Variants in TACC2 observed in about 807,000 individuals in gnomAD.
TACC2 encodes the protein transforming acidic coiled-coil-containing protein 2.
TACC2 carries 137 observed loss-of-function variants against 227.3 expected under a neutral mutation model. That is an observed-to-expected ratio of 0.60 (90% CI 0.52 to 0.69). The LOEUF is 0.69. TACC2 is among the 30% of genes least tolerant of loss of function. TACC2 has a pLI of 0.00. For synonymous variants in TACC2, 1,523 were observed against 1,487.5 expected, an observed-to-expected ratio of 1.02 and a Z score of -0.55; for missense variants, 3,470 against 3,694.4, an observed-to-expected ratio of 0.94 and a Z score of 1.57.
chr10:122,086,350 T>C lies in TACC2; in HGVS notation c.3850T>C (p.Leu1284=), dbSNP rs201269542. The C allele has an allele frequency of 2.8e-5, 45 of 1,613,612 alleles. 1 individual carries two copies. In the Admixed American group the frequency reaches 3.0e-4, roughly 11 times the overall value. ...ACTTGCCTTGGAAAATGCTGCCTCC[T>C]TGAAGCTGTTTGCTGGCTCCCTCGC... ...PPLALENAAS[L]KLFAGSLAPL... is the part of the protein sequence containing the mutation. Residue 1284 remains leucine (L), a synonymous_variant, in exon 4 of 23, where the codon TTG becomes CTG. Transcript: ENST00000369005.
At chr10:122,188,418 T>G (rs1017755565) in intron 7 of TACC2, among the ~76,000 whole-genome samples, 1 of 152,172 alleles carries the variant, frequency 6.6e-6, no homozygotes, top group African/African-American at 2.4e-5. Context: ...TAGCTGGGAC[T>G]ACAGGCATGC....
chr10:122,180,266 C>G lies in TACC2; in HGVS notation c.5835-14774C>G, dbSNP rs2093924221. 6.6e-6 allele frequency among the ~76,000 whole-genome samples: 1 copy of G among 152,012 alleles called. No homozygotes were observed. Among genetic ancestry groups the G allele is most frequent in the Non-Finnish European group, 1.5e-5 (1 of 68,012 alleles). On this transcript the variant is annotated intron_variant, in intron 7 of 22. Coordinates refer to ENST00000369005, the MANE Select transcript of TACC2 (RefSeq NM_206862.4). The surrounding 1 kb of genome is among the most constrained non-coding windows in gnomAD (Gnocchi z 4.5). ...GAAGCCCATTCCTTGAACCTGCCACCCTCCTTCCCCCTCCCACCTCAGGGC... is the reference window on the plus strand; with the variant it reads ...GAAGCCCATTCCTTGAACCTGCCACGCTCCTTCCCCCTCCCACCTCAGGGC...
At chr10:122,149,054 C>T (rs952800517) in intron 7 of TACC2, among the ~76,000 whole-genome samples, 25 of 152,180 alleles carry the variant, frequency 1.6e-4, no homozygotes, top group African/African-American at 6.0e-4. Context: ...GAGAGCTGTA[C>T]GAGGCTGAAG....
chr10:122,073,057 G>A (rs1026522702), intron 3 of TACC2, among the ~76,000 whole-genome samples: 3 of 135,462 alleles, frequency 2.2e-5, no homozygotes, highest in African/African-American at 8.4e-5. Flanking sequence ...AGCTTGCAGT[G>A]AGCCAAGATC....
At chr10:122,157,810 G>A (rs908810241) in intron 7 of TACC2, among the ~76,000 whole-genome samples, 8 of 151,776 alleles carry the variant, frequency 5.3e-5, no homozygotes, top group Non-Finnish European at 1.0e-4. Context: ...TCTCAAAAGA[G>A]CTGAAATATC....
rs772894859 is a variant in TACC2 at position 122,249,161 on chromosome 10, C to T, written c.8660+5C>T. On this transcript the variant is annotated splice_donor_5th_base_variant and intron_variant, in intron 21 of 22. Coordinates refer to ENST00000369005, the MANE Select transcript of TACC2 (RefSeq NM_206862.4). ...CGCGGAGGAGAAACTGGACAGGTAA[C>T]ATTTAGCCACTGGGGGTGGCTCCCA... 8.1e-6 allele frequency: 13 copies of T among 1,603,636 alleles called. No homozygotes were observed. The South Asian group carries it at 1.4e-4, about 17-fold the overall frequency.
At chr10:122,058,802 G>A (rs1442442811) in intron 3 of TACC2, among the ~76,000 whole-genome samples, 1 of 151,760 alleles carries the variant, frequency 6.6e-6, no homozygotes, top group Non-Finnish European at 1.5e-5. Flanking sequence ...TCTGGATCAA[G>A]AACCCAAAAG....
At chr10:122,220,879 G>A (rs1231462979) in intron 11 of TACC2, among the ~76,000 whole-genome samples, 2 of 152,140 alleles carry the variant, frequency 1.3e-5, no homozygotes, top group South Asian at 4.1e-4. Flanking sequence ...GGATACAGAG[G>A]CTTGGAGCTG....
At chr10:122,122,657 G>A (rs370801843) in intron 5 of TACC2, among the ~76,000 whole-genome samples, 85 of 152,140 alleles carry the variant, frequency 5.6e-4, no homozygotes, top group Middle Eastern at 3.4e-3. Context: ...GCTTGAGTCA[G>A]GCCCAGAGCA....
At chr10:122,077,654 G>A (rs1456276799) in intron 3 of TACC2, among the ~76,000 whole-genome samples, 1 of 152,230 alleles carries the variant, frequency 6.6e-6, no homozygotes. Flanking sequence ...GGCCACAGCT[G>A]GCAGAACAGA....
chr10:122,243,645 G>C (rs977121188), intron 19 of TACC2, among the ~76,000 whole-genome samples: 1 of 152,042 alleles, frequency 6.6e-6, no homozygotes, highest in Non-Finnish European at 1.5e-5. Context: ...AGTTGAAAAT[G>C]CTGGCAAAAA....
At position 122,083,955 on chromosome 10, in the gene TACC2, C is replaced by A. The variant is rs145676536; in HGVS notation, c.1455C>A (p.Asp485Glu). 5,256 of 1,613,912 alleles carry A rather than the reference C, an allele frequency of 3.3e-3. 27 individuals are homozygous for A. The highest frequency in any genetic ancestry group is 0.012 in the Middle Eastern group (71 of 6,062). The change falls in exon 4 of 23, where the codon GAC becomes GAA. Residue 485 changes from aspartate to glutamate, a missense_variant. Asp to Glu is a conservative substitution (Grantham distance 45). This residue lies in a region of TACC2 where 1,924 missense variants were observed against 1,978.3 expected (regional missense o/e 0.97). Coordinates refer to ENST00000369005, the MANE Select transcript of TACC2 (RefSeq NM_206862.4). ...GCAAGGGAGAGCATCCAGAAGGGGACCCTGGAGAGGTTCCTGCCCCATCAC... is the reference window on the plus strand; with the variant it reads ...GCAAGGGAGAGCATCCAGAAGGGGAACCTGGAGAGGTTCCTGCCCCATCAC... ...LGSKGEHPEG[D>E]PGEVPAPSPQ...
rs1175982490 is a variant in TACC2, at chr10:122,180,993, C to T, written c.5835-14047C>T. On this transcript the variant is annotated intron_variant, in intron 7 of 22. Transcript: ENST00000369005. This position sits in a 1 kb window ranked among gnomAD's most constrained non-coding sequence, Gnocchi z 4.5. ...TCCTGACCTCAGGTGATCCACCCAC[C>T]TCAGCCTCCCAAAGTGCTGGGATTA... Among the ~76,000 whole-genome samples the T allele has an allele frequency of 6.6e-6, 1 of 152,052 alleles. No homozygotes were observed. The highest frequency in any genetic ancestry group is 1.9e-4 in the East Asian group (1 of 5,166).
rs772996349 is a variant in TACC2, at chr10:122,085,791, G to A, written c.3291G>A (p.Gln1097=). 5.6e-6 allele frequency: 9 copies of A among 1,613,604 alleles called. No individual in the cohort carries two copies. The highest frequency in any genetic ancestry group is 3.3e-5 in the South Asian group (3 of 91,052). ...EGRQQPVPAP[Q]QKMECWATSD... ...GGCAGCAACCAGTGCCGGCCCCGCA[G>A]CAGAAAATGGAGTGCTGGGCCACTT... Residue 1097 remains glutamine (Q), a synonymous_variant, in exon 4 of 23, where the codon CAG becomes CAA. Transcript: ENST00000369005.
rs879342913 is a variant in TACC2 at position 121,992,953 on chromosome 10, TA to T, written c.-46+3480del. 5.3e-3 allele frequency among the ~76,000 whole-genome samples: 694 copies of T among 130,066 alleles called. 1 individual carries two copies. Among genetic ancestry groups the T allele is most frequent in the Middle Eastern group, 0.012 (3 of 254 alleles). The allele number at this position is 130,066 out of a possible 152,430, so 85.3% of individuals were successfully genotyped here. A position where few individuals can be genotyped will look rare whatever the true frequency, so the allele number is the denominator to read the frequency against. ...CTGGGCAACAGAGTGAGACTGTCTC[TA>T]AAAAAAAAAAAAAAGAAAGAAAAAA... On this transcript the variant is annotated intron_variant, in intron 1 of 22. Transcript: ENST00000369005.
intron 2 of TACC2, among the ~76,000 whole-genome samples, chr10:122,037,800 G>A (rs1472125345): frequency 6.6e-6 from 1 of 152,232 alleles, no homozygotes; most frequent in Non-Finnish European, 1.5e-5. Context: ...AAGGGGCAGA[G>A]CCCCTTAGCA....
chr10:122,055,672 C>T (rs867097516), intron 3 of TACC2, among the ~76,000 whole-genome samples: 3 of 152,176 alleles, frequency 2.0e-5, no homozygotes, highest in South Asian at 2.1e-4. Context: ...ACGAGTTCAC[C>T]TGTGTAACAA....
chr10:122,044,892 G>A (rs1006923782), intron 2 of TACC2, among the ~76,000 whole-genome samples: 1 of 152,136 alleles, frequency 6.6e-6, no homozygotes, highest in Non-Finnish European at 1.5e-5. Flanking sequence ...CACGTGTCCT[G>A]TAAGGCTTGC....
chr10:122,066,301 C>G (rs987326418), intron 3 of TACC2, among the ~76,000 whole-genome samples: 1 of 147,584 alleles, frequency 6.8e-6, no homozygotes, highest in African/African-American at 2.5e-5. Flanking sequence ...GAGACAGAGT[C>G]TCTGTCGCAC....
Sources: gnomAD v4.1 joint callset for allele counts (sites outside exome capture counted in the v4.1 genomes callset) on GRCh38, gnomAD v4.1.1 for gene constraint, gnomAD v4.1.1 regional missense constraint, Gnocchi (gnomAD v3.1) non-coding constraint, MANE v1.5 for transcripts, NCBI Gene and HGNC (gene_info 2026-07-23, HGNC 2026-07-21) for gene names.